The following ANKRD22 variants were observed in gnomAD, a reference collection of about 807,000 sequenced individuals.
The protein encoded by ANKRD22 is ankyrin repeat domain-containing protein 22.
A neutral mutation model predicts 25.7 loss-of-function variants in ANKRD22; 24 were observed. The observed-to-expected ratio is 0.93, with a 90% confidence interval of 0.68 to 1.31. ANKRD22 has a LOEUF of 1.31. ANKRD22 is among the 50% of genes most tolerant of loss of function. The pLI, the probability that ANKRD22 is intolerant of heterozygous loss-of-function variation, is 0.00. For missense variants in ANKRD22, 214 were observed against 227.1 expected, an observed-to-expected ratio of 0.94 and a Z score of 0.37; for synonymous variants, 84 against 84.3, an observed-to-expected ratio of 1.00 and a Z score of 0.02.
chr10:88,824,787 T>TA (rs548579178), intron 4 of ANKRD22, among the ~76,000 whole-genome samples: 148 of 152,284 alleles, frequency 9.7e-4, no homozygotes, highest in Non-Finnish European at 1.7e-3. Context: ...GCAGGAATAT[T>TA]AAATCTATTG....
At chr10:88,831,755 G>T in intron 2 of ANKRD22, 80 bp downstream of exon 2, 1 of 1,380,188 alleles carries the variant, frequency 7.2e-7, no homozygotes. Context: ...TTTAAAAAAT[G>T]ACATGCACCA....
At chr10:88,830,902 T>C (rs964534954) in intron 2 of ANKRD22, among the ~76,000 whole-genome samples, 6 of 152,246 alleles carry the variant, frequency 3.9e-5, no homozygotes, top group African/African-American at 1.4e-4. Context: ...TAGTCCACGA[T>C]GTTGCATATC....
chr10:88,835,769 A>G (rs763613679), intron 1 of ANKRD22, among the ~76,000 whole-genome samples: 31 of 152,122 alleles, frequency 2.0e-4, no homozygotes, highest in Non-Finnish European at 4.0e-4. Context: ...CTAACGCTGA[A>G]GACTCCATGC....
rs966231684 is a variant in ANKRD22 at position 88,821,466 on chromosome 10, G to A, written c.*1475C>T. Among the ~76,000 whole-genome samples, 2 of 152,150 alleles carry A rather than the reference G, an allele frequency of 1.3e-5. No individual in the cohort carries two copies. The highest frequency in any genetic ancestry group is 4.8e-5 in the African/African-American group (2 of 41,434). ...CAAAATCTCTGAAACCAAATCAAAG[G>A]TTTGTGTGTGTCAAAAGTATATTGT... On this transcript the variant is annotated 3_prime_UTR_variant, in exon 6 of 6. Coordinates refer to ENST00000371930, the MANE Select transcript of ANKRD22 (RefSeq NM_144590.3).
chr10:88,823,074 T>C lies in ANKRD22; in HGVS notation c.499-56A>G, dbSNP rs922917059. On this transcript the variant is annotated intron_variant, in intron 5 of 5. Coordinates refer to ENST00000371930, the MANE Select transcript of ANKRD22 (RefSeq NM_144590.3). ...AATAGAGTGCCCAAGATCTCGTACGTAGCTTAGACCAATTGACTCTCTGTG... is the reference window on the plus strand; with the variant it reads ...AATAGAGTGCCCAAGATCTCGTACGCAGCTTAGACCAATTGACTCTCTGTG... 4.6e-6 allele frequency: 7 copies of C among 1,532,018 alleles called. No homozygotes were observed. In the African/African-American group the frequency reaches 6.9e-5, roughly 15 times the overall value. 94.9% of individuals were successfully genotyped at this position (1,532,018 alleles called of 1,614,324 possible). A position where few individuals can be genotyped will look rare whatever the true frequency, so the allele number is the denominator to read the frequency against.
chr10:88,822,814 G>T lies in ANKRD22; in HGVS notation c.*127C>A. On this transcript the variant is annotated 3_prime_UTR_variant, in exon 6 of 6. Transcript: ENST00000371930. Reference sequence around the variant, plus strand: ...AAAGCTCTTCCAAAACATTAACCATGGTAAGCATCATTATCCCCATAAAAT... The same window carrying T: ...AAAGCTCTTCCAAAACATTAACCATTGTAAGCATCATTATCCCCATAAAAT... The T allele has an allele frequency of 1.3e-6, 1 of 797,602 alleles. No individual in the cohort carries two copies. The highest frequency in any genetic ancestry group is 2.1e-6 in the Non-Finnish European group (1 of 479,900). The allele number at this position is 797,602 out of a possible 1,614,324, so 49.4% of individuals were successfully genotyped here.
chr10:88,846,784 C>G (rs140750059), intron 1 of ANKRD22, among the ~76,000 whole-genome samples: 1 of 152,082 alleles, frequency 6.6e-6, no homozygotes, highest in Admixed American at 6.6e-5. Context: ...CCTGTCTCAT[C>G]GGCTGAAGTC....
chr10:88,841,198 C>G (rs896237789), intron 1 of ANKRD22, among the ~76,000 whole-genome samples: 1 of 152,064 alleles, frequency 6.6e-6, no homozygotes, highest in East Asian at 1.9e-4. Context: ...AGATCCTTCA[C>G]CTCCAGCGAG....
At chr10:88,842,441 A>G (rs943663509) in intron 1 of ANKRD22, among the ~76,000 whole-genome samples, 1 of 152,118 alleles carries the variant, frequency 6.6e-6, no homozygotes, top group Non-Finnish European at 1.5e-5. Flanking sequence ...TCCATGCACT[A>G]ATTTATAATA....
chr10:88,824,050 A>G (rs561623590), intron 4 of ANKRD22, among the ~76,000 whole-genome samples: 31 of 152,306 alleles, frequency 2.0e-4, no homozygotes, highest in Middle Eastern at 6.8e-3. Context: ...GAGTCTCCAC[A>G]TGGCCCTTTA....
At position 88,851,814 on chromosome 10, in the gene ANKRD22, C is replaced by A. The variant is rs910968348; in HGVS notation, c.-207G>T. ...CAGCACACCTTCCAGAGAGCCCAGC[C>A]CAATGAAACAAAGGCACTGGTGTCA... On this transcript the variant is annotated 5_prime_UTR_variant, in exon 1 of 6. Transcript: ENST00000371930. 1.0e-5 allele frequency: 6 copies of A among 580,840 alleles called. No homozygotes were observed. The highest frequency in any genetic ancestry group is 1.9e-5 in the Non-Finnish European group (6 of 322,798). 36.0% of individuals were successfully genotyped at this position (580,840 alleles called of 1,614,324 possible). A position where few individuals can be genotyped will look rare whatever the true frequency, so the allele number is the denominator to read the frequency against.
At chr10:88,847,010 G>A (rs775629020) in intron 1 of ANKRD22, among the ~76,000 whole-genome samples, 7 of 152,114 alleles carry the variant, frequency 4.6e-5, no homozygotes, top group Middle Eastern at 3.4e-3. Context: ...ACGCATATTC[G>A]CAGTTCTTTT....
chr10:88,832,379 T>C (rs145014328), intron 1 of ANKRD22, among the ~76,000 whole-genome samples: 6,453 of 151,044 alleles, frequency 0.043, 232 homozygotes, highest in Admixed American at 0.11. Context: ...TTACTAAAGA[T>C]AAAATACCTT....
chr10:88,821,777 T>A lies in ANKRD22; in HGVS notation c.*1164A>T, dbSNP rs1254576197. Among the ~76,000 whole-genome samples the A allele has an allele frequency of 6.6e-6, 1 of 152,236 alleles. No homozygotes were observed. The highest frequency in any genetic ancestry group is 1.5e-5 in the Non-Finnish European group (1 of 68,038). On this transcript the variant is annotated 3_prime_UTR_variant, in exon 6 of 6. Transcript: ENST00000371930. ...CCACATACAAAGAGGCTGGCTTAGT[T>A]CCTGTCTGCAGCTATGTGAGATTCA...
intron 1 of ANKRD22, among the ~76,000 whole-genome samples, chr10:88,833,809 C>CT (rs1211635408): frequency 6.6e-6 from 1 of 152,196 alleles, no homozygotes; most frequent in African/African-American, 2.4e-5. Flanking sequence ...CTTTACTAAG[C>CT]TTTCCAACAG....
chr10:88,831,901 C>T lies in ANKRD22; in HGVS notation c.147G>A (p.Arg49=), dbSNP rs370135851. Residue 49 remains arginine (R), a synonymous_variant, in exon 2 of 6, where the codon AGG becomes AGA. Transcript: ENST00000371930. The part of the protein sequence containing the change: ...NGDTPLICAC[R]RGHVRIVSFL... ...AGGAAACGATTCTCACATGCCCTCGCCTGCAAGCACAGATCAGGGGCGTGT... is the reference window on the plus strand; with the variant it reads ...AGGAAACGATTCTCACATGCCCTCGTCTGCAAGCACAGATCAGGGGCGTGT... 2 of 1,613,280 alleles carry T rather than the reference C, an allele frequency of 1.2e-6. No homozygotes were observed. Among genetic ancestry groups the T allele is most frequent in the African/African-American group, 2.7e-5 (2 of 74,956 alleles).
At chr10:88,829,824 G>T (rs926000684) in intron 2 of ANKRD22, among the ~76,000 whole-genome samples, 1 of 152,118 alleles carries the variant, frequency 6.6e-6, no homozygotes, top group Non-Finnish European at 1.5e-5. Flanking sequence ...CCACCTAGGC[G>T]GGAGTGCAGT....
rs1843769650 is a variant in ANKRD22 at position 88,820,154 on chromosome 10, T to C, written c.*2787A>G. On this transcript the variant is annotated 3_prime_UTR_variant, in exon 6 of 6. Coordinates refer to ENST00000371930, the MANE Select transcript of ANKRD22 (RefSeq NM_144590.3). The stretch of plus-strand genomic sequence containing the variant: ...TCACCACAACAGATGGCATGTTTAT[T>C]ATGTCTATTTGAAACATAAATTATG... 3 of 1,192,350 alleles carry C rather than the reference T, an allele frequency of 2.5e-6. No individual in the cohort carries two copies. The highest frequency in any genetic ancestry group is 3.5e-6 in the Non-Finnish European group (3 of 861,038). 73.9% of individuals were successfully genotyped at this position (1,192,350 alleles called of 1,614,324 possible).
At chr10:88,832,159 A>AT (rs1394978343) in intron 1 of ANKRD22, 133 bp from the exon 2 acceptor site, 6 of 1,000,742 alleles carry the variant, frequency 6.0e-6, no homozygotes, top group Admixed American at 3.1e-5. Context: ...TGCAGGTGAG[A>AT]TTTTTTGGTC....
Sources: gnomAD v4.1 joint callset for allele counts (sites outside exome capture counted in the v4.1 genomes callset) on GRCh38, gnomAD v4.1.1 for gene constraint, MANE v1.5 for transcripts, NCBI Gene and HGNC (gene_info 2026-07-23, HGNC 2026-07-21) for gene names.